Variants in IARS1 observed in about 807,000 individuals in gnomAD.
The protein encoded by IARS1 is isoleucyl-tRNA synthetase 1.
In IARS1, 124 loss-of-function variants were observed where a neutral mutation model predicts 168.2. The observed-to-expected ratio is 0.74, with a 90% CI of 0.64 to 0.86. The LOEUF (loss-of-function observed/expected upper bound fraction) is 0.86, where lower values mean the gene tolerates loss of function less well. Ranked by LOEUF, IARS1 falls within the 40% of genes least tolerant of loss-of-function variation. IARS1 has a pLI of 0.00. For missense variants in IARS1, 1,452 were observed against 1,515.8 expected, an observed-to-expected ratio of 0.96 and a Z score of 0.70; for synonymous variants, 532 against 529.4, an observed-to-expected ratio of 1.00 and a Z score of -0.07.
chr9:92,229,238 T>TC (rs994749059), intron 30 of IARS1, 112 bp from the exon 31 acceptor site: 1 of 982,482 alleles, frequency 1.0e-6, no homozygotes, highest in Non-Finnish European at 1.5e-6. Context: ...TTTTTCCTTT[T>TC]CCCCCAACTA....
At chr9:92,271,796 A>C in intron 10 of IARS1, 141 bp from the exon 11 acceptor site, 48 of 909,276 alleles carry the variant, frequency 5.3e-5, no homozygotes, top group Non-Finnish European at 7.2e-5. Flanking sequence ...AAGGTAACTC[A>C]AGACCATTCG....
chr9:92,261,592 G>A (rs574571733), intron 17 of IARS1, among the ~76,000 whole-genome samples: 5 of 152,320 alleles, frequency 3.3e-5, no homozygotes, highest in African/African-American at 4.8e-5. Flanking sequence ...TAAAACTAGA[G>A]AAATCTGAAT....
At chr9:92,223,966 G>A (rs1355637323) in intron 31 of IARS1, among the ~76,000 whole-genome samples, 8 of 152,232 alleles carry the variant, frequency 5.3e-5, no homozygotes, top group Non-Finnish European at 1.2e-4. Context: ...GCAGGCAGAT[G>A]ACTGGTAATG....
intron 30 of IARS1, among the ~76,000 whole-genome samples, chr9:92,231,664 G>A (rs886773130): frequency 2.0e-5 from 3 of 151,474 alleles, no homozygotes; most frequent in African/African-American, 4.8e-5. Context: ...CTGACCTCAG[G>A]TGATCTGCCT....
intron 7 of IARS1, 91 bp from the exon 8 acceptor site, chr9:92,278,377 A>T: frequency 1.2e-6 from 1 of 851,164 alleles, no homozygotes; most frequent in East Asian, 2.4e-5. Context: ...TGTCCTGAGG[A>T]GCTCCTGTAC....
At chr9:92,234,414 G>A (rs557106549) in intron 30 of IARS1, among the ~76,000 whole-genome samples, 7 of 152,278 alleles carry the variant, frequency 4.6e-5, no homozygotes, top group African/African-American at 1.7e-4. Context: ...ACCAAGCTGT[G>A]GCTGCATTTA....
At chr9:92,289,741 T>C (rs1836020845) in intron 1 of IARS1, among the ~76,000 whole-genome samples, 1 of 152,244 alleles carries the variant, frequency 6.6e-6, no homozygotes, top group Non-Finnish European at 1.5e-5. Context: ...ATTTATCTTC[T>C]TTCTGTCCCT....
chr9:92,214,787 G>A (rs548933713), intron 33 of IARS1, among the ~76,000 whole-genome samples: 17 of 152,306 alleles, frequency 1.1e-4, no homozygotes, highest in African/African-American at 3.4e-4. Context: ...ACGGAGTCTC[G>A]CTGATTGCTA....
intron 6 of IARS1, among the ~76,000 whole-genome samples, chr9:92,281,147 T>C (rs1275693498): frequency 2.0e-5 from 3 of 151,602 alleles, no homozygotes; most frequent in Non-Finnish European, 4.4e-5. Context: ...TTTTTTTTTT[T>C]TTTTTTAGAT....
At chr9:92,270,927 G>T in intron 12 of IARS1, 58 bp downstream of exon 12, 1 of 1,156,058 alleles carries the variant, frequency 8.7e-7, no homozygotes, top group Non-Finnish European at 1.2e-6. Context: ...GGCACATATA[G>T]TAAGTGTAAG....
chr9:92,222,573 A>G lies in IARS1; in HGVS notation c.3653T>C (p.Phe1218Ser). The stretch of plus-strand genomic sequence containing the variant: ...CTTTAGCTTCCTGCTCCGAAGGCCA[A>G]ACACCTTGGCTGCTTCATACAGAAG... ...QGLLYEAAKV[F>S]GLRSRKLKLF... Residue 1218 changes from phenylalanine to serine, a missense_variant, in exon 33 of 34, where the codon TTT (phenylalanine) becomes TCT (serine). By Grantham distance (155) the Phe-to-Ser change is radical. Coordinates refer to ENST00000443024, the MANE Select transcript of IARS1 (RefSeq NM_002161.6). 6.2e-7 allele frequency: 1 copy of G among 1,614,092 alleles called. No individual in the cohort carries two copies. The highest frequency in any genetic ancestry group is 8.5e-7 in the Non-Finnish European group (1 of 1,180,004).
intron 30 of IARS1, 23 bp from the exon 31 acceptor site, chr9:92,229,149 C>A (rs778493285): frequency 5.0e-6 from 8 of 1,604,762 alleles, no homozygotes; most frequent in African/African-American, 2.7e-5. Context: ...AAAAATAACA[C>A]CTCAATCAGA....
At chr9:92,259,556 A>G (rs1385267855) in intron 18 of IARS1, among the ~76,000 whole-genome samples, 3 of 152,146 alleles carry the variant, frequency 2.0e-5, no homozygotes, top group Admixed American at 2.0e-4. Context: ...GAGCCCCACT[A>G]ATGGCTCCTG....
rs1374073432 is a variant in IARS1, at chr9:92,271,561, A to C, written c.1085T>G (p.Val362Gly). ...CACATACTGTCCTGCGAAATCTGTC[A>C]CCTCCGTTGTGAAGCAGCCTGAAGC... ...VDASGCFTTE[V>G]TDFAGQYVKD... is the part of the protein sequence containing the mutation. The change falls in exon 11 of 34, where the codon GTG (valine) becomes GGG (glycine). Residue 362 changes from valine (V) to glycine (G), a missense_variant. Val to Gly is a moderately radical substitution (Grantham distance 109). Coordinates refer to ENST00000443024, the MANE Select transcript of IARS1 (RefSeq NM_002161.6). 1.2e-6 allele frequency: 2 copies of C among 1,613,972 alleles called. No individual in the cohort carries two copies. Among genetic ancestry groups the C allele is most frequent in the Non-Finnish European group, 1.7e-6 (2 of 1,179,972 alleles).
chr9:92,240,711 G>A (rs895537896), intron 30 of IARS1, 145 bp downstream of exon 30: 21 of 719,294 alleles, frequency 2.9e-5, no homozygotes, highest in Admixed American at 2.8e-4. Context: ...TCATTTTGAT[G>A]ACAAGAAGAA....
chr9:92,278,420 G>C (rs1180324846), intron 7 of IARS1, 134 bp from the exon 8 acceptor site: 1 of 664,700 alleles, frequency 1.5e-6, no homozygotes, highest in Non-Finnish European at 2.7e-6. Flanking sequence ...TACTCACAGA[G>C]AAATACTGCA....
intron 13 of IARS1, among the ~76,000 whole-genome samples, chr9:92,269,642 T>C (rs1298695028): frequency 6.6e-6 from 1 of 152,262 alleles, no homozygotes; most frequent in Non-Finnish European, 1.5e-5. Flanking sequence ...TGGTGGTTTA[T>C]CATTTCCAAT....
chr9:92,236,863 A>G (rs966331048), intron 30 of IARS1, among the ~76,000 whole-genome samples: 8 of 152,176 alleles, frequency 5.3e-5, no homozygotes, highest in Non-Finnish European at 8.8e-5. Flanking sequence ...TTACATATGG[A>G]GATTTATTCA....
At chr9:92,277,211 G>A (rs948251080) in intron 9 of IARS1, among the ~76,000 whole-genome samples, 3 of 152,156 alleles carry the variant, frequency 2.0e-5, no homozygotes, top group East Asian at 1.9e-4. Context: ...GGCCAGGCAC[G>A]GTGGCTCACA....
Sources: allele counts gnomAD v4.1 joint callset (sites outside exome capture counted in the v4.1 genomes callset), GRCh38; gene constraint gnomAD v4.1.1; transcripts MANE v1.5; gene names NCBI Gene and HGNC (gene_info 2026-07-23, HGNC 2026-07-21).